Variants in SH3RF3 observed in about 807,000 individuals in gnomAD.
SH3RF3 encodes the protein E3 ubiquitin-protein ligase SH3RF3.
Under a neutral mutation model 66.3 loss-of-function variants are expected in SH3RF3, and 29 were observed. That is an observed-to-expected ratio of 0.44 (90% CI 0.33 to 0.60). SH3RF3 has a LOEUF of 0.60. Ranked by LOEUF, SH3RF3 falls within the 20% of genes least tolerant of loss-of-function variation. The probability of loss-of-function intolerance (pLI) is 0.04; values close to 1 mark genes in which losing one functional copy is unlikely to be tolerated. For synonymous variants in SH3RF3, 583 were observed against 532.0 expected (o/e 1.10, Z -1.32); for missense variants, 1,194 against 1,190.9 (o/e 1.00, Z -0.04).
At chr2:109,448,738 C>T (rs528509097) in intron 7 of SH3RF3, among the ~76,000 whole-genome samples, 80 of 152,264 alleles carry the variant, frequency 5.3e-4, no homozygotes, top group African/African-American at 1.9e-3. Flanking sequence ...AAGTACATAA[C>T]AAATGTAATG....
chr2:109,372,834 C>T (rs1393871206), intron 3 of SH3RF3, among the ~76,000 whole-genome samples: 1 of 152,244 alleles, frequency 6.6e-6, no homozygotes, highest in Non-Finnish European at 1.5e-5. Context: ...GCACCGAAAG[C>T]CCACGGGTGA....
intron 8 of SH3RF3, among the ~76,000 whole-genome samples, chr2:109,476,637 A>G (rs1000927889): frequency 7.2e-5 from 11 of 152,224 alleles, no homozygotes; most frequent in African/African-American, 1.9e-4. Context: ...AGGGGTCCCA[A>G]TCCAGATCCC....
intron 5 of SH3RF3, among the ~76,000 whole-genome samples, chr2:109,429,566 C>T (rs1677132501): frequency 1.3e-5 from 2 of 152,052 alleles, no homozygotes; most frequent in African/African-American, 4.8e-5. Flanking sequence ...AGCCAACATA[C>T]CCCATTCAGG....
Position 109,370,487 on chromosome 2 carries a change from C to T in SH3RF3, c.850-1099C>T, listed in dbSNP as rs571358590. Reference sequence around the variant, plus strand: ...ACTCCTGATCTCAGGTGATCACCCGCCTCGACCTCCCAAAGTGCTGTGATT... The same window carrying T: ...ACTCCTGATCTCAGGTGATCACCCGTCTCGACCTCCCAAAGTGCTGTGATT... On this transcript the variant is annotated intron_variant, in intron 2 of 9. Transcript: ENST00000309415. Among the ~76,000 whole-genome samples the T allele has an allele frequency of 2.1e-4, 32 of 152,222 alleles. 1 individual carries two copies. The South Asian group carries it at 6.4e-3, about 31-fold the overall frequency.
chr2:109,293,818 C>T (rs963270105), intron 1 of SH3RF3, among the ~76,000 whole-genome samples: 3 of 152,202 alleles, frequency 2.0e-5, no homozygotes, highest in Non-Finnish European at 2.9e-5. Context: ...GATCAGGAGT[C>T]GGGAATGCTG....
At chr2:109,186,120 T>C (rs1369186914) in intron 1 of SH3RF3, among the ~76,000 whole-genome samples, 1 of 152,278 alleles carries the variant, frequency 6.6e-6, no homozygotes, top group East Asian at 1.9e-4. Context: ...GCAGGCCCTG[T>C]CTCTGTGTCC....
chr2:109,223,703 G>A lies in SH3RF3; in HGVS notation c.573+93590G>A, dbSNP rs1451223142. On this transcript the variant is annotated intron_variant, in intron 1 of 9. Transcript: ENST00000309415. The stretch of plus-strand genomic sequence containing the variant: ...GCCCCCCACGTGATGCTGCCCCAAC[G>A]TGGAGATCCGGGATGTGTCGTTGTC... Among the ~76,000 whole-genome samples the A allele has an allele frequency of 3.9e-5, 6 of 152,200 alleles. 1 individual carries two copies. Among genetic ancestry groups the A allele is most frequent in the Admixed American group, 2.6e-4 (4 of 15,282 alleles).
At chr2:109,474,963 GGTTT>G (rs200279181) in intron 8 of SH3RF3, among the ~76,000 whole-genome samples, 29 of 151,340 alleles carry the variant, frequency 1.9e-4, no homozygotes, top group African/African-American at 5.3e-4. Flanking sequence ...GTTTTGTTTG[GGTTT>G]TTTTTGTTTG....
chr2:109,274,955 G>A (rs886550284), intron 1 of SH3RF3, among the ~76,000 whole-genome samples: 2 of 151,844 alleles, frequency 1.3e-5, no homozygotes, highest in African/African-American at 4.8e-5. Flanking sequence ...ACTTTAAAAT[G>A]GTTAATTTCC....
At chr2:109,320,058 C>T (rs1019690064) in intron 1 of SH3RF3, among the ~76,000 whole-genome samples, 2 of 152,152 alleles carry the variant, frequency 1.3e-5, no homozygotes, top group African/African-American at 4.8e-5. Flanking sequence ...GCTACTTCCT[C>T]GAAGCTGGGG....
intron 1 of SH3RF3, among the ~76,000 whole-genome samples, chr2:109,232,102 TGTAA>T (rs1437348655): frequency 6.6e-6 from 1 of 152,256 alleles, no homozygotes; most frequent in Non-Finnish European, 1.5e-5. Context: ...AGTATTTATG[TGTAA>T]GTGTCTGTTT....
chr2:109,261,128 C>T (rs545023667), intron 1 of SH3RF3, among the ~76,000 whole-genome samples: 10 of 152,314 alleles, frequency 6.6e-5, no homozygotes, highest in South Asian at 4.1e-4. Flanking sequence ...CAGCCAGGCC[C>T]GTGAGCTAGC....
chr2:109,446,318 G>T lies in SH3RF3; in HGVS notation c.1829-2852G>T, dbSNP rs576351317. On this transcript the variant is annotated intron_variant, in intron 7 of 9. Transcript: ENST00000309415. ...CTCTTTTATTCAAAAAATGTACAGA[G>T]CACCTTCTACATGCCAGGGACCATT... Among the ~76,000 whole-genome samples the T allele has an allele frequency of 4.6e-5, 7 of 152,288 alleles. No individual in the cohort carries two copies. In the South Asian group the frequency reaches 1.5e-3, roughly 32 times the overall value.
At chr2:109,480,657 A>G (rs1678812530) in intron 8 of SH3RF3, among the ~76,000 whole-genome samples, 1 of 152,078 alleles carries the variant, frequency 6.6e-6, no homozygotes, top group Non-Finnish European at 1.5e-5. Context: ...GAGACGAACA[A>G]TGCTGTACTG....
At chr2:109,215,619 T>C (rs957131081) in intron 1 of SH3RF3, among the ~76,000 whole-genome samples, 19 of 152,116 alleles carry the variant, frequency 1.2e-4, no homozygotes, top group African/African-American at 4.3e-4. Flanking sequence ...TCTTCCTCGG[T>C]GACTCTGGAT....
At chr2:109,142,729 C>G (rs777164985) in intron 1 of SH3RF3, among the ~76,000 whole-genome samples, 2 of 152,162 alleles carry the variant, frequency 1.3e-5, no homozygotes, top group African/African-American at 4.8e-5. Flanking sequence ...ATTTTCTGAT[C>G]GTTGGTGTCC....
chr2:109,257,273 A>G (rs1680242573), intron 1 of SH3RF3, among the ~76,000 whole-genome samples: 1 of 151,860 alleles, frequency 6.6e-6, no homozygotes, highest in Non-Finnish European at 1.5e-5. Context: ...GGAGGTACAA[A>G]GTCAGCTGTT....
chr2:109,429,845 C>T, intron 5 of SH3RF3, among the ~76,000 whole-genome samples: 1 of 152,190 alleles, frequency 6.6e-6, no homozygotes, highest in East Asian at 1.9e-4. Flanking sequence ...GCTAGGGGTT[C>T]CATGCTCCCA....
At chr2:109,488,854 G>C (rs1016526238) in intron 8 of SH3RF3, among the ~76,000 whole-genome samples, 1 of 152,234 alleles carries the variant, frequency 6.6e-6, no homozygotes, top group African/African-American at 2.4e-5. Context: ...GTTATTGGAG[G>C]GAGAGTGAGG....
Sources: allele counts gnomAD v4.1 joint callset (sites outside exome capture counted in the v4.1 genomes callset), GRCh38; gene constraint gnomAD v4.1.1; transcripts MANE v1.5; gene names NCBI Gene and HGNC (gene_info 2026-07-23, HGNC 2026-07-21).